Variants in HPSE2 observed in about 807,000 individuals in gnomAD.
HPSE2 encodes heparanase 2 (inactive).
Under a neutral mutation model 60.5 loss-of-function variants are expected in HPSE2, and 38 were observed. That is an observed-to-expected ratio of 0.63 (90% confidence interval 0.48 to 0.82). The LOEUF (loss-of-function observed/expected upper bound fraction) is 0.82, where lower values mean the gene tolerates loss of function less well. Ranked by LOEUF, HPSE2 falls within the 40% of genes least tolerant of loss-of-function variation. The probability of loss-of-function intolerance (pLI) is 0.00; values close to 1 mark genes in which losing one functional copy is unlikely to be tolerated. For synonymous variants in HPSE2, 295 were observed against 293.2 expected (o/e 1.01, Z -0.06); for missense variants, 713 against 740.4 (o/e 0.96, Z 0.43).
intron 3 of HPSE2, among the ~76,000 whole-genome samples, chr10:99,116,579 C>T (rs951788006): frequency 1.3e-5 from 2 of 152,148 alleles, no homozygotes; most frequent in African/African-American, 4.8e-5. Flanking sequence ...GAGAGGCCTT[C>T]CCTGACTGCC....
intron 3 of HPSE2, among the ~76,000 whole-genome samples, chr10:98,971,390 A>T (rs949993382): frequency 1.8e-5 from 2 of 114,150 alleles, no homozygotes; most frequent in Non-Finnish European, 4.6e-5. Flanking sequence ...ATCCTTGCAA[A>T]GCCTCTCTCT....
intron 2 of HPSE2, among the ~76,000 whole-genome samples, chr10:99,189,055 G>T (rs1589798699): frequency 6.6e-6 from 1 of 152,322 alleles, no homozygotes; most frequent in South Asian, 2.1e-4. Context: ...AATTACTGAT[G>T]AATGTTGAAA....
At position 99,132,146 on chromosome 10, in the gene HPSE2, G is replaced by GAAGAAGAAAGA. The variant is rs1564832315; in HGVS notation, c.610+12091_610+12092insTCTTTCTTCTT. Among the ~76,000 whole-genome samples the GAAGAAGAAAGA allele has an allele frequency of 1.8e-3, 52 of 28,552 alleles. 6 individuals carry two copies. The highest frequency in any genetic ancestry group is 2.4e-3 in the African/African-American group (30 of 12,290). 18.7% of individuals were successfully genotyped at this position (28,552 alleles called of 152,430 possible). On this transcript the variant is annotated intron_variant, in intron 3 of 11. Coordinates refer to ENST00000370552, the MANE Select transcript of HPSE2 (RefSeq NM_021828.5). ...AAAGAAAGAAAGGAAAGAAAGAAAGGAAGAAAGAAAGAAAGAAAGAAAGAA... is the reference window on the plus strand; with the variant it reads ...AAAGAAAGAAAGGAAAGAAAGAAAGGAAGAAGAAAGAAAGAAAGAAAGAAAGAAAGAAAGAA...
At chr10:98,873,157 T>A (rs886419137) in intron 3 of HPSE2, among the ~76,000 whole-genome samples, 8 of 152,146 alleles carry the variant, frequency 5.3e-5, no homozygotes, top group African/African-American at 1.7e-4. Context: ...TTCACATGGT[T>A]CATGAATATG....
rs556113652 is a variant in HPSE2, at chr10:99,039,165, C to CT, written c.610+105072dup. 2.2e-4 allele frequency among the ~76,000 whole-genome samples: 33 copies of CT among 152,266 alleles called. 1 individual carries two copies. The East Asian group carries it at 6.4e-3, about 29-fold the overall frequency. ...TTTTGAGTTTGCCACCCTGACTAAT[C>CT]TTTTACAATAGTGTGAAGCAGAAAT... is the stretch of plus-strand genomic sequence containing the variant. On this transcript the variant is annotated intron_variant, in intron 3 of 11. Transcript: ENST00000370552.
intron 3 of HPSE2, among the ~76,000 whole-genome samples, chr10:98,750,731 G>C (rs2134352590): frequency 6.6e-6 from 1 of 152,246 alleles, no homozygotes; most frequent in South Asian, 2.1e-4. Context: ...TGAAGGAAGT[G>C]TGAAAGATTG....
chr10:99,224,284 G>A (rs1176476040), intron 2 of HPSE2, among the ~76,000 whole-genome samples: 5 of 152,074 alleles, frequency 3.3e-5, no homozygotes, highest in Non-Finnish European at 7.4e-5. Context: ...TACAAGGTAT[G>A]TAAACCTTGA....
chr10:99,024,787 A>G (rs1465104590), intron 3 of HPSE2, among the ~76,000 whole-genome samples: 1 of 152,180 alleles, frequency 6.6e-6, no homozygotes, highest in African/African-American at 2.4e-5. Flanking sequence ...GAAAATAAAC[A>G]TTTACCCTAG....
chr10:98,935,684 C>T (rs1954768339), intron 3 of HPSE2, among the ~76,000 whole-genome samples: 1 of 144,052 alleles, frequency 6.9e-6, no homozygotes, highest in South Asian at 2.1e-4. Context: ...GGGCACTGAC[C>T]TGATGCCAGC....
rs747078624 is a variant in HPSE2, at chr10:99,235,846, A to C, written c.-44T>G. On this transcript the variant is annotated 5_prime_UTR_variant, in exon 1 of 12. Transcript: ENST00000370552. ...ACCTCTCTTCCTACTGGGTCTCGCT[A>C]GTGACTAATTGTCCTTATCTAAAGT... is the stretch of plus-strand genomic sequence containing the variant. The C allele has an allele frequency of 6.4e-7, 1 of 1,553,970 alleles. No homozygotes were observed. Among genetic ancestry groups the C allele is most frequent in the Middle Eastern group, 2.2e-4 (1 of 4,494 alleles).
intron 3 of HPSE2, among the ~76,000 whole-genome samples, chr10:98,920,129 C>T (rs1954240274): frequency 6.6e-6 from 1 of 152,172 alleles, no homozygotes; most frequent in South Asian, 2.1e-4. Context: ...TGCTCCCAGG[C>T]AATGACTAAG....
intron 3 of HPSE2, among the ~76,000 whole-genome samples, chr10:99,039,457 A>G (rs902727621): frequency 2.0e-5 from 3 of 151,950 alleles, no homozygotes; most frequent in African/African-American, 7.2e-5. Flanking sequence ...AGTCCATGTA[A>G]AATCACTATG....
chr10:99,263,011 C>G, the HPSE2 span, among the ~76,000 whole-genome samples: 1 of 152,140 alleles, frequency 6.6e-6, no homozygotes, highest in African/African-American at 2.4e-5. Context: ...GAGCCAGGAC[C>G]GTGCCCTGTA....
intron 9 of HPSE2, among the ~76,000 whole-genome samples, chr10:98,534,571 A>G (rs1477899961): frequency 6.6e-6 from 1 of 152,004 alleles, no homozygotes; most frequent in Non-Finnish European, 1.5e-5. Context: ...CACCCGACTA[A>G]TTTTTGTATT....
rs535572216 is a variant in HPSE2 at position 98,756,362 on chromosome 10, A to T, written c.611-12306T>A. 1.3e-3 allele frequency among the ~76,000 whole-genome samples: 191 copies of T among 152,292 alleles called. No homozygotes were observed. In the South Asian group the frequency reaches 0.037, roughly 30 times the overall value. On this transcript the variant is annotated intron_variant, in intron 3 of 11. Coordinates refer to ENST00000370552, the MANE Select transcript of HPSE2 (RefSeq NM_021828.5). The stretch of plus-strand genomic sequence containing the variant: ...ATGAAATTGAGATGTGAAAAACCAT[A>T]CAAAATATCAATAAAACTAAAAGTT...
chr10:98,685,310 A>G (rs747723447), intron 6 of HPSE2, among the ~76,000 whole-genome samples: 1 of 152,178 alleles, frequency 6.6e-6, no homozygotes, highest in Non-Finnish European at 1.5e-5. Flanking sequence ...AATCTTAAGC[A>G]TATCATTTGA....
At chr10:99,125,568 G>C (rs890747146) in intron 3 of HPSE2, among the ~76,000 whole-genome samples, 4 of 152,194 alleles carry the variant, frequency 2.6e-5, no homozygotes, top group African/African-American at 9.6e-5. Flanking sequence ...TAGGAAAACT[G>C]AAAGAATTCA....
chr10:99,015,676 G>A (rs888688418), intron 3 of HPSE2, among the ~76,000 whole-genome samples: 16 of 152,062 alleles, frequency 1.1e-4, no homozygotes, highest in African/African-American at 3.4e-4. Context: ...TGTGGGGTGG[G>A]GGGAGAGGGG....
chr10:98,727,644 A>T (rs976301387), intron 4 of HPSE2, among the ~76,000 whole-genome samples: 1 of 151,934 alleles, frequency 6.6e-6, no homozygotes, highest in Non-Finnish European at 1.5e-5. Context: ...TGACAGAGTG[A>T]GACACTGTCT....
Sources: gnomAD v4.1 joint callset for allele counts (sites outside exome capture counted in the v4.1 genomes callset) on GRCh38, gnomAD v4.1.1 for gene constraint, MANE v1.5 for transcripts, NCBI Gene and HGNC (gene_info 2026-07-23, HGNC 2026-07-21) for gene names.